SDK1: variants seen among roughly 807,000 people sequenced by gnomAD.
SDK1 encodes the protein protein sidekick-1.
SDK1 carries 157 observed loss-of-function variants against 245.5 expected under a neutral mutation model. The observed-to-expected ratio is 0.64, with a 90% confidence interval of 0.56 to 0.73. SDK1 has a LOEUF of 0.73. Among genes scored for constraint, SDK1 ranks in the 30% least tolerant of loss-of-function variants. The pLI is 0.00. For missense variants in SDK1, 3,583 were observed against 3,002.3 expected (o/e 1.19, Z -4.52); for synonymous variants, 1,647 against 1,278.5 (o/e 1.29, Z -6.15).
intron 1 of SDK1, among the ~76,000 whole-genome samples, chr7:3,545,038 G>T (rs1330326114): frequency 6.6e-6 from 1 of 152,178 alleles, no homozygotes; most frequent in East Asian, 1.9e-4. Context: ...GGAGGGGGCA[G>T]GAGAGTGTGC....
chr7:3,992,600 C>T (rs73040430), intron 14 of SDK1, among the ~76,000 whole-genome samples: 5 of 152,208 alleles, frequency 3.3e-5, no homozygotes, highest in Admixed American at 3.3e-4. Flanking sequence ...AAGCATTTGG[C>T]CCACTCTCTA....
chr7:4,212,039 C>T (rs1025840463), intron 38 of SDK1, among the ~76,000 whole-genome samples: 16 of 152,332 alleles, frequency 1.1e-4, no homozygotes, highest in Non-Finnish European at 1.8e-4. Flanking sequence ...ACAAGTCCAG[C>T]TGTCTCTGCC....
intron 43 of SDK1, among the ~76,000 whole-genome samples, 170 bp from the exon 44 acceptor site, chr7:4,245,506 C>G (rs776209988): frequency 5.3e-5 from 8 of 152,218 alleles, no homozygotes; most frequent in Admixed American, 2.0e-4. Flanking sequence ...GCTGTTGACT[C>G]ACCAGGTAGC....
chr7:3,626,512 C>T (rs1420230177), intron 2 of SDK1, among the ~76,000 whole-genome samples: 2 of 152,224 alleles, frequency 1.3e-5, no homozygotes, highest in Non-Finnish European at 2.9e-5. Context: ...TTCAGCTAGT[C>T]GAATTTGCTT....
At chr7:3,535,690 G>C (rs563133964) in intron 1 of SDK1, among the ~76,000 whole-genome samples, 1 of 152,132 alleles carries the variant, frequency 6.6e-6, no homozygotes, top group Non-Finnish European at 1.5e-5. Context: ...TTAGTAATCA[G>C]ATGTTTTCTG....
intron 35 of SDK1, among the ~76,000 whole-genome samples, chr7:4,189,090 A>G (rs537489184): frequency 1.1e-4 from 16 of 152,198 alleles, no homozygotes; most frequent in Admixed American, 9.2e-4. Context: ...ATTTTGATGG[A>G]AACGTATTAA....
At chr7:4,205,087 C>T (rs912122575) in intron 35 of SDK1, among the ~76,000 whole-genome samples, 1 of 84,710 alleles carries the variant, frequency 1.2e-5, no homozygotes, top group Non-Finnish European at 2.3e-5. Context: ...CAGACAGCAC[C>T]CCAGTGAGCT....
intron 2 of SDK1, among the ~76,000 whole-genome samples, chr7:3,627,519 C>T (rs573334502): frequency 2.3e-4 from 35 of 152,142 alleles, no homozygotes; most frequent in Non-Finnish European, 4.7e-4. Flanking sequence ...TGCATGTTTC[C>T]GTGGTAGAAA....
intron 4 of SDK1, among the ~76,000 whole-genome samples, chr7:3,690,120 G>A (rs984008978): frequency 2.0e-5 from 3 of 152,116 alleles, no homozygotes; most frequent in Non-Finnish European, 4.4e-5. Context: ...AGAACAGATC[G>A]AACCTTTTGG....
At chr7:3,395,825 A>C (rs1345005019) in intron 1 of SDK1, among the ~76,000 whole-genome samples, 5 of 151,848 alleles carry the variant, frequency 3.3e-5, no homozygotes, top group Non-Finnish European at 1.5e-5. Flanking sequence ...GGTCAGTGGT[A>C]ATCATCTCTC....
chr7:3,346,592 G>T (rs1301500911), intron 1 of SDK1, among the ~76,000 whole-genome samples: 1 of 150,050 alleles, frequency 6.7e-6, no homozygotes, highest in Non-Finnish European at 1.5e-5. Flanking sequence ...TGACTCAACT[G>T]CAGTCTCCAA....
chr7:4,117,244 G>A (rs1405269130), intron 25 of SDK1, among the ~76,000 whole-genome samples: 1 of 152,202 alleles, frequency 6.6e-6, no homozygotes, highest in Non-Finnish European at 1.5e-5. Flanking sequence ...GAGTCTGGAG[G>A]ATAGCTTGAG....
chr7:3,498,474 A>G (rs1782091712), intron 1 of SDK1, among the ~76,000 whole-genome samples: 1 of 152,330 alleles, frequency 6.6e-6, no homozygotes, highest in East Asian at 1.9e-4. Context: ...GGGAGTATTA[A>G]ATGATACATG....
At chr7:3,753,333 A>C (rs760444728) in intron 4 of SDK1, among the ~76,000 whole-genome samples, 1 of 152,220 alleles carries the variant, frequency 6.6e-6, no homozygotes, top group African/African-American at 2.4e-5. Context: ...TATCAAGAAA[A>C]AGCTAAAAAC....
At chr7:3,975,694 G>C (rs138818286) in intron 13 of SDK1, among the ~76,000 whole-genome samples, 132 of 152,368 alleles carry the variant, frequency 8.7e-4, no homozygotes, top group Admixed American at 1.4e-3. Context: ...ATGTGTAGCA[G>C]TCAGTCCGGA....
intron 4 of SDK1, among the ~76,000 whole-genome samples, chr7:3,747,429 T>G (rs370576216): frequency 6.6e-5 from 10 of 152,336 alleles, no homozygotes; most frequent in African/African-American, 2.2e-4. Context: ...ACAGTTAAAT[T>G]TTAAAGAATT....
rs560763390 is a variant in SDK1, at chr7:3,842,882, T to C, written c.847+21299T>C. Among the ~76,000 whole-genome samples the C allele has an allele frequency of 3.3e-4, 50 of 152,252 alleles. 1 individual carries two copies. Among genetic ancestry groups the C allele is most frequent in the African/African-American group, 1.2e-3 (50 of 41,548 alleles). ...GAGTCAAGACATTTACTATGACATC[T>C]GTGGCTCCAGCGTTCACCACAATGG... On this transcript the variant is annotated intron_variant, in intron 5 of 44. Coordinates refer to ENST00000404826, the MANE Select transcript of SDK1 (RefSeq NM_152744.4).
At chr7:3,798,405 G>A (rs113352846) in intron 4 of SDK1, among the ~76,000 whole-genome samples, 12 of 151,704 alleles carry the variant, frequency 7.9e-5, no homozygotes, top group African/African-American at 2.4e-4. Flanking sequence ...TTTTAGTAGA[G>A]ACAGGGTTTC....
rs1562872545 is a variant in SDK1 at position 4,139,665 on chromosome 7, G to GTGTGTGTATA, written c.4229-6050_4229-6049insATATGTGTGT. On this transcript the variant is annotated intron_variant, in intron 28 of 44. Coordinates refer to ENST00000404826, the MANE Select transcript of SDK1 (RefSeq NM_152744.4). ...TGTGTGTATATGTGTGTGTGTATAT[G>GTGTGTGTATA]TGTGTGTGTATATGTGTGTGTGTGT... Among the ~76,000 whole-genome samples, 46 of 68,652 alleles carry GTGTGTGTATA rather than the reference G, an allele frequency of 6.7e-4. 2 individuals are homozygous for GTGTGTGTATA. Among genetic ancestry groups the GTGTGTGTATA allele is most frequent in the Non-Finnish European group, 8.9e-4 (32 of 36,138 alleles). The allele number at this position is 68,652 out of a possible 152,430, so 45.0% of individuals were successfully genotyped here.
Sources: allele counts gnomAD v4.1 joint callset (sites outside exome capture counted in the v4.1 genomes callset), GRCh38; gene constraint gnomAD v4.1.1; transcripts MANE v1.5; gene names NCBI Gene and HGNC (gene_info 2026-07-23, HGNC 2026-07-21).